The following PCDHGB6 variants were observed in gnomAD, a reference collection of about 807,000 sequenced individuals.
The protein encoded by PCDHGB6 is protocadherin gamma-B6.
Under a neutral mutation model 59.1 loss-of-function variants are expected in PCDHGB6, and 51 were observed. The observed-to-expected ratio is 0.86, with a 90% CI of 0.69 to 1.09. The LOEUF (loss-of-function observed/expected upper bound fraction) is 1.09. Ranked by LOEUF, PCDHGB6 falls within the 50% of genes least tolerant of loss-of-function variation. The pLI is 0.00. For missense variants in PCDHGB6, 1,148 were observed against 1,205.1 expected (o/e 0.95, Z 0.70); for synonymous variants, 466 against 495.1 (o/e 0.94, Z 0.78).
intron 1 of PCDHGB6, among the ~76,000 whole-genome samples, chr5:141,435,547 G>T (rs2097769325): frequency 6.6e-6 from 1 of 152,114 alleles, no homozygotes. Context: ...AACAAAATGT[G>T]TTTTGAGTGC....
intron 1 of PCDHGB6, among the ~76,000 whole-genome samples, chr5:141,479,798 G>C (rs892288776): frequency 6.6e-6 from 1 of 152,234 alleles, no homozygotes; most frequent in East Asian, 1.9e-4. Context: ...ATTAATTCAG[G>C]GTGGTATGCA....
At chr5:141,414,882 C>T (rs759814512) in intron 1 of PCDHGB6, 7 of 1,614,104 alleles carry the variant, frequency 4.3e-6, no homozygotes, top group East Asian at 4.5e-5. Context: ...TCCTGTACCC[C>T]GCCCTCCCCA....
intron 2 of PCDHGB6, among the ~76,000 whole-genome samples, chr5:141,496,097 A>C (rs1329818315): frequency 6.6e-6 from 1 of 151,148 alleles, no homozygotes; most frequent in Non-Finnish European, 1.5e-5. Context: ...CCACCCACCA[A>C]CACCCCGCTC....
chr5:141,438,983 T>C (rs1296267457), intron 1 of PCDHGB6, among the ~76,000 whole-genome samples: 1 of 151,930 alleles, frequency 6.6e-6, no homozygotes, highest in Non-Finnish European at 1.5e-5. Context: ...TGACTTATCT[T>C]AAAAGGCTAA....
intron 1 of PCDHGB6, among the ~76,000 whole-genome samples, chr5:141,483,015 G>A (rs916071219): frequency 2.0e-5 from 3 of 152,044 alleles, no homozygotes; most frequent in African/African-American, 7.2e-5. Context: ...AACCCGGGAG[G>A]CAGAGGTTGC....
chr5:141,498,673 T>C (rs1158071657), intron 2 of PCDHGB6, among the ~76,000 whole-genome samples: 1 of 152,180 alleles, frequency 6.6e-6, no homozygotes, highest in Non-Finnish European at 1.5e-5. Flanking sequence ...GGCTCACGCC[T>C]GTAATCCCAG....
At chr5:141,443,631 T>C (rs541727440) in intron 1 of PCDHGB6, among the ~76,000 whole-genome samples, 1 of 152,332 alleles carries the variant, frequency 6.6e-6, no homozygotes, top group South Asian at 2.1e-4. Context: ...ATTGTAAAAA[T>C]TGATCCAGAT....
At chr5:141,468,739 G>A (rs1167211344) in intron 1 of PCDHGB6, among the ~76,000 whole-genome samples, 5 of 152,000 alleles carry the variant, frequency 3.3e-5, no homozygotes, top group African/African-American at 1.2e-4. Context: ...GGTGGCGGGT[G>A]CCTGTAGTCC....
chr5:141,441,136 GA>G (rs1379465827), intron 1 of PCDHGB6: 2 of 152,304 alleles, frequency 1.3e-5, no homozygotes, highest in Middle Eastern at 3.4e-3. Flanking sequence ...CGAATTTCTA[GA>G]AGATAATGAC....
intron 1 of PCDHGB6, among the ~76,000 whole-genome samples, chr5:141,454,172 CAGCTAAAGG>C (rs1351117555): frequency 6.6e-6 from 1 of 152,126 alleles, no homozygotes; most frequent in Admixed American, 6.5e-5. Context: ...TCTAGAAGGG[CAGCTAAAGG>C]AGCTTAGTGA....
At chr5:141,488,385 G>A (rs917106670) in intron 1 of PCDHGB6, among the ~76,000 whole-genome samples, 11 of 152,164 alleles carry the variant, frequency 7.2e-5, no homozygotes, top group Non-Finnish European at 1.5e-5. Context: ...TCCTGAATTT[G>A]GTGAAACCAT....
intron 1 of PCDHGB6, among the ~76,000 whole-genome samples, chr5:141,436,781 A>T (rs1041532929): frequency 6.6e-6 from 1 of 152,236 alleles, no homozygotes; most frequent in Non-Finnish European, 1.5e-5. Context: ...TGTGGATGGA[A>T]ATAAAACTGT....
intron 1 of PCDHGB6, chr5:141,420,927 G>A (rs1257204379): frequency 2.8e-6 from 1 of 362,530 alleles, no homozygotes; most frequent in Non-Finnish European, 5.0e-6. Context: ...ACAAAGGTGA[G>A]CGTAATCATT....
At chr5:141,488,705 G>C (rs1024064135) in intron 1 of PCDHGB6, among the ~76,000 whole-genome samples, 8 of 152,200 alleles carry the variant, frequency 5.3e-5, no homozygotes, top group Non-Finnish European at 1.2e-4. Context: ...AGATTTTGCT[G>C]GTTCAAGCAA....
At chr5:141,437,393 G>T (rs1034237295) in intron 1 of PCDHGB6, among the ~76,000 whole-genome samples, 3 of 152,180 alleles carry the variant, frequency 2.0e-5, no homozygotes, top group Admixed American at 6.5e-5. Flanking sequence ...TTCATCCACT[G>T]CTTTCATTCC....
chr5:141,442,298 G>A (rs934210433), intron 1 of PCDHGB6: 2 of 152,564 alleles, frequency 1.3e-5, no homozygotes, highest in African/African-American at 4.8e-5. Flanking sequence ...TCCTGTCTGA[G>A]TCTTTCCCAC....
intron 1 of PCDHGB6, among the ~76,000 whole-genome samples, chr5:141,494,447 G>C (rs1413012155): frequency 6.6e-6 from 1 of 152,118 alleles, no homozygotes. Context: ...GCCACTTTAG[G>C]GGGCTTTGTC....
At chr5:141,461,009 A>T (rs1407993113) in intron 1 of PCDHGB6, among the ~76,000 whole-genome samples, 1 of 151,542 alleles carries the variant, frequency 6.6e-6, no homozygotes, top group Admixed American at 6.6e-5. Flanking sequence ...GTATATATAT[A>T]TACCACATTT....
intron 1 of PCDHGB6, chr5:141,414,233 T>C: frequency 1.2e-6 from 2 of 1,613,474 alleles, no homozygotes; most frequent in African/African-American, 2.7e-5. Context: ...GAGCTGACCA[T>C]CACGTCTCTA....
Sources: gnomAD v4.1 joint callset for allele counts (sites outside exome capture counted in the v4.1 genomes callset) on GRCh38, gnomAD v4.1.1 for gene constraint, MANE v1.5 for transcripts, NCBI Gene and HGNC (gene_info 2026-07-23, HGNC 2026-07-21) for gene names.